Variants in COPS5 observed in about 807,000 individuals in gnomAD.
COPS5 encodes COP9 signalosome subunit 5, also known as COP9 signalosome complex subunit 5.
Under a neutral mutation model 44.4 loss-of-function variants are expected in COPS5, and 8 were observed. The observed-to-expected ratio is 0.18, with a 90% CI of 0.11 to 0.32. COPS5 has a LOEUF of 0.32. COPS5 is among the 10% of genes least tolerant of loss of function. The probability of loss-of-function intolerance (pLI) is 1.00; values close to 1 mark genes in which losing one functional copy is unlikely to be tolerated. For synonymous variants in COPS5, 122 were observed against 142.8 expected, an observed-to-expected ratio of 0.85 and a Z score of 1.04; for missense variants, 159 against 406.4, an observed-to-expected ratio of 0.39 and a Z score of 5.23.
intron 6 of COPS5, among the ~76,000 whole-genome samples, chr8:67,046,538 G>A (rs1816701061): frequency 6.6e-6 from 1 of 151,912 alleles, no homozygotes; most frequent in African/African-American, 2.4e-5. Context: ...AAGCTTTTCT[G>A]GGTCGGGCGC....
At chr8:67,049,209 T>C (rs1816738234) in intron 6 of COPS5, among the ~76,000 whole-genome samples, 1 of 152,176 alleles carries the variant, frequency 6.6e-6, no homozygotes, top group African/African-American at 2.4e-5. Flanking sequence ...TCACGGCCTG[T>C]AATGGCACTT....
At chr8:67,058,240 A>G in intron 2 of COPS5, 29 bp from the exon 3 acceptor site, 2 of 1,608,506 alleles carry the variant, frequency 1.2e-6, no homozygotes, top group Non-Finnish European at 1.7e-6. Context: ...AAAAAGTTTA[A>G]GATTACTCTT....
chr8:67,059,004 GAAA>G (rs575915856), intron 2 of COPS5, among the ~76,000 whole-genome samples: 1 of 129,158 alleles, frequency 7.7e-6, no homozygotes, highest in African/African-American at 2.8e-5. Context: ...TCCCTGTCTC[GAAA>G]AAAAAAAAAC....
At position 67,045,797 on chromosome 8, in the gene COPS5, T is replaced by C. The variant is rs942757137; in HGVS notation, c.920+15A>G. The stretch of plus-strand genomic sequence containing the variant: ...AGAGTTAGGGGCAACAGGAATCTTA[T>C]AGATTTACTCTTACCTGTCTCTTGT... On this transcript the variant is annotated intron_variant, in intron 7 of 7. Transcript: ENST00000357849. 6 of 1,613,764 alleles carry C rather than the reference T, an allele frequency of 3.7e-6. No individual in the cohort carries two copies. The highest frequency in any genetic ancestry group is 1.3e-5 in the African/African-American group (1 of 75,024).
Position 67,045,973 on chromosome 8 carries a change from T to C in COPS5, c.772-13A>G. ...TATAGTCTGCATTCTGTGGGGAAAG[T>C]GGTATTGTGTCACTGCAAAACACAA... On this transcript the variant is annotated splice_polypyrimidine_tract_variant and intron_variant, in intron 6 of 7. Transcript: ENST00000357849. 6.2e-7 allele frequency: 1 copy of C among 1,610,330 alleles called. No individual in the cohort carries two copies. The highest frequency in any genetic ancestry group is 8.5e-7 in the Non-Finnish European group (1 of 1,177,706).
rs748871311 is a variant in COPS5, at chr8:67,062,112, T to C, written c.-116A>G. 3.8e-6 allele frequency: 6 copies of C among 1,558,788 alleles called. No homozygotes were observed. The African/African-American group carries it at 8.1e-5, about 21-fold the overall frequency. ...CACGGGAACAAACTCTTACCTAGAC[T>C]CTTGGGGCAGCCATGACACCTAGAA... On this transcript the variant is annotated 5_prime_UTR_variant, in exon 1 of 8. Transcript: ENST00000357849.
At chr8:67,046,975 T>C (rs755735724) in intron 6 of COPS5, among the ~76,000 whole-genome samples, 1 of 152,074 alleles carries the variant, frequency 6.6e-6, no homozygotes, top group Non-Finnish European at 1.5e-5. Flanking sequence ...CTAAAGAGCA[T>C]TGCTATATGC....
intron 6 of COPS5, among the ~76,000 whole-genome samples, chr8:67,048,884 T>C (rs1816734214): frequency 6.6e-6 from 1 of 152,226 alleles, no homozygotes; most frequent in African/African-American, 2.4e-5. Context: ...CTCAGAGTAC[T>C]TAATGATGTA....
At chr8:67,049,662 T>C (rs980042802) in intron 6 of COPS5, among the ~76,000 whole-genome samples, 3 of 152,188 alleles carry the variant, frequency 2.0e-5, no homozygotes, top group Non-Finnish European at 4.4e-5. Flanking sequence ...TGCAATGCTT[T>C]ACCTTGAGAT....
rs1349983537 is a variant in COPS5 at position 67,046,164 on chromosome 8, T to C, written c.772-204A>G. Among the ~76,000 whole-genome samples, 6 of 152,256 alleles carry C rather than the reference T, an allele frequency of 3.9e-5. No homozygotes were observed. The East Asian group carries it at 5.8e-4, about 15-fold the overall frequency. On this transcript the variant is annotated intron_variant, in intron 6 of 7. Coordinates refer to ENST00000357849, the MANE Select transcript of COPS5 (RefSeq NM_006837.3). ...CAAATTCAGGCAGTTCAAGTGTAGA[T>C]AGATGTTTTCCCTTTTATAATTTCA...
chr8:67,052,832 A>G (rs1804438871), intron 5 of COPS5, among the ~76,000 whole-genome samples: 1 of 151,804 alleles, frequency 6.6e-6, no homozygotes, highest in African/African-American at 2.4e-5. Context: ...AAAAAAAAAA[A>G]AAAAAGAAAT....
chr8:67,056,850 G>A (rs1804521701), intron 4 of COPS5, among the ~76,000 whole-genome samples: 1 of 151,198 alleles, frequency 6.6e-6, no homozygotes, highest in Admixed American at 6.6e-5. Flanking sequence ...GGTGGCTGTA[G>A]GCTGGATTTT....
chr8:67,046,323 AG>A (rs1269938547), intron 6 of COPS5, among the ~76,000 whole-genome samples: 1 of 152,202 alleles, frequency 6.6e-6, no homozygotes, highest in African/African-American at 2.4e-5. Context: ...GTATGCCTCC[AG>A]GTTTTCTTCT....
At chr8:67,055,538 AAGATATAATTC>A (rs1804489842) in intron 5 of COPS5, among the ~76,000 whole-genome samples, 5 of 152,248 alleles carry the variant, frequency 3.3e-5, no homozygotes, top group Admixed American at 2.0e-4. Context: ...AAAATAATTT[AAGATATAATTC>A]ATACATCATA....
chr8:67,060,668 T>C (rs540310026), intron 1 of COPS5: 30 of 339,472 alleles, frequency 8.8e-5, no homozygotes, highest in African/African-American at 6.1e-4. Flanking sequence ...ATTTCCATAT[T>C]ATGACAAATG....
intron 3 of COPS5, 98 bp downstream of exon 3, chr8:67,057,985 G>A: frequency 7.7e-7 from 1 of 1,296,744 alleles, no homozygotes; most frequent in Non-Finnish European, 1.1e-6. Flanking sequence ...ACTGATACCA[G>A]AGCAATTTCT....
At position 67,050,638 on chromosome 8, in the gene COPS5, T is replaced by C. The variant is rs550717545; in HGVS notation, c.771+592A>G. 7.1e-3 allele frequency among the ~76,000 whole-genome samples: 1,080 copies of C among 151,816 alleles called. 9 individuals carry two copies. Among genetic ancestry groups the C allele is most frequent in the Non-Finnish European group, 0.012 (826 of 67,932 alleles). On this transcript the variant is annotated intron_variant, in intron 6 of 7. Transcript: ENST00000357849. ...GAGTGTGTGTGTGTGTGTGTGTGTG[T>C]GTGTATCTTGACCTTCTTTTTGAAC...
intron 5 of COPS5, 43 bp from the exon 6 acceptor site, chr8:67,051,384 T>C (rs1179858917): frequency 2.9e-6 from 3 of 1,026,358 alleles, no homozygotes; most frequent in South Asian, 2.8e-5. Flanking sequence ...AAAAAAAAAA[T>C]TCAACTACGT....
chr8:67,046,838 A>AC (rs1563443862), intron 6 of COPS5, among the ~76,000 whole-genome samples: 1 of 150,836 alleles, frequency 6.6e-6, no homozygotes, highest in African/African-American at 2.4e-5. Flanking sequence ...AAAAAAAAAA[A>AC]AAAAAAAAAA....
Sources: allele counts gnomAD v4.1 joint callset (sites outside exome capture counted in the v4.1 genomes callset), GRCh38; gene constraint gnomAD v4.1.1; transcripts MANE v1.5; gene names NCBI Gene and HGNC (gene_info 2026-07-23, HGNC 2026-07-21).